The following SLC25A21 variants were observed in gnomAD, a reference collection of about 807,000 sequenced individuals.
SLC25A21 encodes mitochondrial 2-oxodicarboxylate carrier.
A neutral mutation model predicts 43.8 loss-of-function variants in SLC25A21; 47 were observed. The ratio of observed to expected loss-of-function variants is 1.07; its 90% CI spans 0.85 to 1.37. The LOEUF (loss-of-function observed/expected upper bound fraction) is 1.37, where lower values mean the gene tolerates loss of function less well. Ranked by LOEUF, SLC25A21 falls within the 40% of genes most tolerant of loss-of-function variation. The pLI, the probability that SLC25A21 is intolerant of heterozygous loss-of-function variation, is 0.00. For missense variants in SLC25A21, 352 were observed against 350.2 expected (o/e 1.00, Z -0.04); for synonymous variants, 131 against 121.3 (o/e 1.08, Z -0.52).
intron 1 of SLC25A21, among the ~76,000 whole-genome samples, chr14:36,899,465 C>A (rs1015659025): frequency 7.2e-5 from 11 of 152,180 alleles, no homozygotes; most frequent in Admixed American, 1.3e-4. Flanking sequence ...ATTCAACTTA[C>A]ACCAAGGAAG....
At chr14:36,891,522 T>C (rs1226404004) in intron 1 of SLC25A21, among the ~76,000 whole-genome samples, 1 of 152,188 alleles carries the variant, frequency 6.6e-6, no homozygotes, top group Non-Finnish European at 1.5e-5. Flanking sequence ...AATTTCTTCA[T>C]TTATTCTCTT....
At chr14:37,045,788 G>T (rs754214892) in intron 1 of SLC25A21, among the ~76,000 whole-genome samples, 4 of 152,154 alleles carry the variant, frequency 2.6e-5, no homozygotes, top group Non-Finnish European at 5.9e-5. Flanking sequence ...CCAGGGTTTT[G>T]AAGTCACAAT....
intron 2 of SLC25A21, among the ~76,000 whole-genome samples, chr14:36,872,044 G>C (rs1056266720): frequency 6.6e-6 from 1 of 152,124 alleles, no homozygotes. Context: ...TTGTATTCAC[G>C]TAAGCTATTT....
chr14:36,898,394 T>A (rs975282777), intron 1 of SLC25A21, among the ~76,000 whole-genome samples: 2 of 152,286 alleles, frequency 1.3e-5, no homozygotes, highest in African/African-American at 4.8e-5. Context: ...AGCGCAGTAT[T>A]AGGGTGGGAG....
chr14:36,860,142 A>G (rs1412669631), intron 2 of SLC25A21, among the ~76,000 whole-genome samples: 2 of 152,000 alleles, frequency 1.3e-5, no homozygotes, highest in African/African-American at 2.4e-5. Flanking sequence ...ATGAAAAAAA[A>G]AAAAAAGAGA....
intron 7 of SLC25A21, among the ~76,000 whole-genome samples, chr14:36,697,302 C>T (rs1279033359): frequency 2.6e-5 from 4 of 152,190 alleles, no homozygotes; most frequent in Non-Finnish European, 5.9e-5. Context: ...TGTTCCTTTA[C>T]ATTTGCTGAG....
intron 6 of SLC25A21, among the ~76,000 whole-genome samples, chr14:36,719,713 A>G (rs1884299042): frequency 6.6e-6 from 1 of 152,202 alleles, no homozygotes; most frequent in Admixed American, 6.5e-5. Context: ...TATTTTATAC[A>G]TAAGTTGGAA....
chr14:36,680,973 C>A (rs1193633666), intron 9 of SLC25A21, among the ~76,000 whole-genome samples: 1 of 152,106 alleles, frequency 6.6e-6, no homozygotes, highest in Non-Finnish European at 1.5e-5. Flanking sequence ...TCATCAGATT[C>A]TTTTTCAAGC....
chr14:36,710,838 T>G (rs2139187788), intron 7 of SLC25A21, among the ~76,000 whole-genome samples: 1 of 152,330 alleles, frequency 6.6e-6, no homozygotes, highest in Admixed American at 6.5e-5. Context: ...TTAACTACCC[T>G]AATTAACCTA....
chr14:36,902,778 C>T (rs1891430398), intron 1 of SLC25A21, among the ~76,000 whole-genome samples: 1 of 152,020 alleles, frequency 6.6e-6, no homozygotes. Context: ...GGGACAATTG[C>T]TTGAGGCCAG....
intron 1 of SLC25A21, among the ~76,000 whole-genome samples, chr14:37,110,459 GA>G (rs1426207409): frequency 6.6e-6 from 1 of 152,136 alleles, no homozygotes; most frequent in Non-Finnish European, 1.5e-5. Context: ...AAGCATGAAG[GA>G]ATCTTTGTAT....
intron 1 of SLC25A21, among the ~76,000 whole-genome samples, chr14:37,045,896 A>C (rs1213040774): frequency 1.3e-5 from 2 of 152,206 alleles, no homozygotes; most frequent in Non-Finnish European, 2.9e-5. Context: ...GAATATGCTA[A>C]GCATGGTTGT....
At chr14:37,113,853 C>CAAAAAAAA (rs34321762) in intron 1 of SLC25A21, among the ~76,000 whole-genome samples, 1 of 119,372 alleles carries the variant, frequency 8.4e-6, no homozygotes, top group Non-Finnish European at 1.7e-5. Flanking sequence ...GACTCTGTCT[C>CAAAAAAAA]AAAAAAAAAA....
In SLC25A21 at chr14:37,172,381, C is replaced by A. The variant is rs747160304; in HGVS notation, c.-31G>T. 1 of 1,577,048 alleles carries A rather than the reference C, an allele frequency of 6.3e-7. No homozygotes were observed. Among genetic ancestry groups the A allele is most frequent in the Admixed American group, 1.8e-5 (1 of 54,894 alleles). ...CCAGGCGGGAGGACAAGGGAGTGGGCTGAGATGCGTCAACGAGCTCGCAGC... is the reference window on the plus strand; with the variant it reads ...CCAGGCGGGAGGACAAGGGAGTGGGATGAGATGCGTCAACGAGCTCGCAGC... On this transcript the variant is annotated 5_prime_UTR_variant, in exon 1 of 10. Transcript: ENST00000331299.
intron 1 of SLC25A21, among the ~76,000 whole-genome samples, chr14:36,953,826 T>A (rs1959253745): frequency 6.6e-6 from 1 of 152,304 alleles, no homozygotes; most frequent in African/African-American, 2.4e-5. Flanking sequence ...GACACTCTTG[T>A]GGTTAAGAAA....
intron 6 of SLC25A21, among the ~76,000 whole-genome samples, chr14:36,721,849 C>T (rs1035014365): frequency 6.6e-6 from 1 of 152,166 alleles, no homozygotes; most frequent in Non-Finnish European, 1.5e-5. Context: ...TTAAACTGTT[C>T]TATATTTTCT....
chr14:37,118,209 A>C (rs1442997520), intron 1 of SLC25A21, among the ~76,000 whole-genome samples: 1 of 152,168 alleles, frequency 6.6e-6, no homozygotes, highest in Non-Finnish European at 1.5e-5. Flanking sequence ...TTAGAACCTA[A>C]GAATGGACTT....
chr14:36,901,683 C>A (rs928717100), intron 1 of SLC25A21, among the ~76,000 whole-genome samples: 35 of 152,068 alleles, frequency 2.3e-4, no homozygotes, highest in Admixed American at 2.3e-3. Context: ...AATAACAGGG[C>A]ATTTGCAGTA....
intron 1 of SLC25A21, among the ~76,000 whole-genome samples, chr14:37,145,568 T>C (rs1410590468): frequency 6.6e-6 from 1 of 151,902 alleles, no homozygotes; most frequent in Non-Finnish European, 1.5e-5. Context: ...ATGACCCCAC[T>C]GAGTAAGTCC....
Sources: gnomAD v4.1 joint callset for allele counts (sites outside exome capture counted in the v4.1 genomes callset) on GRCh38, gnomAD v4.1.1 for gene constraint, MANE v1.5 for transcripts, NCBI Gene and HGNC (gene_info 2026-07-23, HGNC 2026-07-21) for gene names.